KCTD3: variants seen among roughly 807,000 people sequenced by gnomAD.
The protein encoded by KCTD3 is BTB/POZ domain-containing protein KCTD3.
In KCTD3, 41 loss-of-function variants were observed where a neutral mutation model predicts 85.8. That is an observed-to-expected ratio of 0.48 (90% confidence interval 0.37 to 0.62). The LOEUF (loss-of-function observed/expected upper bound fraction) is 0.62, where lower values mean the gene tolerates loss of function less well. Among genes scored for constraint, KCTD3 ranks in the 20% least tolerant of loss-of-function variants. The probability of loss-of-function intolerance (pLI) is 0.00; values close to 1 mark genes in which losing one functional copy is unlikely to be tolerated. For synonymous variants in KCTD3, 338 were observed against 345.4 expected (o/e 0.98, Z 0.24); for missense variants, 724 against 989.9 (o/e 0.73, Z 3.60).
intron 6 of KCTD3, among the ~76,000 whole-genome samples, 199 bp from the exon 7 acceptor site, chr1:215,578,801 A>G (rs1322874247): frequency 1.3e-5 from 2 of 152,036 alleles, no homozygotes; most frequent in African/African-American, 2.4e-5. Flanking sequence ...TGTTGACAGA[A>G]TTTTGTCTTT....
intron 9 of KCTD3, 123 bp from the exon 10 acceptor site, chr1:215,595,233 T>C: frequency 1.6e-6 from 1 of 641,162 alleles, no homozygotes; most frequent in Non-Finnish European, 2.8e-6. Context: ...CCAACACGTA[T>C]AGCACATAGT....
intron 9 of KCTD3, among the ~76,000 whole-genome samples, chr1:215,588,722 G>A (rs1422403637): frequency 6.6e-6 from 1 of 152,128 alleles, no homozygotes; most frequent in Non-Finnish European, 1.5e-5. Context: ...AATACCAGAT[G>A]GGTACAAGTA....
chr1:215,615,899 G>T (rs79654782), intron 15 of KCTD3, among the ~76,000 whole-genome samples: 1 of 152,150 alleles, frequency 6.6e-6, no homozygotes, highest in Non-Finnish European at 1.5e-5. Flanking sequence ...TAAGTTAACA[G>T]AAATAGACTG....
In KCTD3 at chr1:215,620,210, A is replaced by G. The variant is rs201188483; in HGVS notation, c.2040A>G (p.Val680=). 15 of 1,613,916 alleles carry G rather than the reference A, an allele frequency of 9.3e-6. No individual in the cohort carries two copies. Among genetic ancestry groups the G allele is most frequent in the Non-Finnish European group, 1.3e-5 (15 of 1,179,844 alleles). ...AGACTATTAATTTGAACAGAAATGT[A>G]GAAAGAGCTGTCCCTGAAAATGGTA... ...DFQTINLNRN[V]ERAVPENGNL... The change falls in exon 18 of 18, where the codon GTA becomes GTG. Residue 680 remains valine (V), a synonymous_variant. Coordinates refer to ENST00000259154, the MANE Select transcript of KCTD3 (RefSeq NM_016121.5).
chr1:215,582,365 CA>C (rs1443753034), intron 8 of KCTD3, among the ~76,000 whole-genome samples: 1 of 152,114 alleles, frequency 6.6e-6, no homozygotes, highest in East Asian at 1.9e-4. Context: ...CAAAATCTCA[CA>C]GGGCATGTCC....
In KCTD3 at chr1:215,579,090, G is replaced by C. The variant is rs767858716; in HGVS notation, c.488G>C (p.Gly163Ala). ...ACAGAAGGTGAAGCCCGGGGAAATG[G>C]TACACAGCCTGTTCTCTCTGGAACG... ...NSTEGEARGNGTQPVLSGTGE... is the reference protein window; with the variant it reads ...NSTEGEARGNATQPVLSGTGE... Residue 163 changes from glycine (G) to alanine (A), a missense_variant, in exon 7 of 18, where the codon GGT becomes GCT. Around this residue, in one of 6 missense-constraint regions of KCTD3, gnomAD observed 106 missense variants for 98.2 expected, o/e 1.08. Transcript: ENST00000259154. 9 of 1,606,934 alleles carry C rather than the reference G, an allele frequency of 5.6e-6. No homozygotes were observed. In the African/African-American group the frequency reaches 1.1e-4, roughly 19 times the overall value.
At chr1:215,574,887 T>C (rs1659514077) in intron 3 of KCTD3, among the ~76,000 whole-genome samples, 1 of 152,246 alleles carries the variant, frequency 6.6e-6, no homozygotes, top group African/African-American at 2.4e-5. Context: ...CTTTAAAAGA[T>C]GTTCCGTTTT....
At chr1:215,568,594 G>A (rs1472086667) in intron 1 of KCTD3, among the ~76,000 whole-genome samples, 1 of 148,862 alleles carries the variant, frequency 6.7e-6, no homozygotes, top group Non-Finnish European at 1.5e-5. Context: ...CTCAGAAAAG[G>A]GAGTTTGCCA....
At chr1:215,593,623 T>G (rs1304607125) in intron 9 of KCTD3, among the ~76,000 whole-genome samples, 1 of 152,198 alleles carries the variant, frequency 6.6e-6, no homozygotes, top group Non-Finnish European at 1.5e-5. Context: ...TTCCCATGAG[T>G]TCTTCAAGGT....
At chr1:215,615,743 A>G (rs1256571741) in intron 15 of KCTD3, among the ~76,000 whole-genome samples, 1 of 152,226 alleles carries the variant, frequency 6.6e-6, no homozygotes, top group African/African-American at 2.4e-5. Context: ...AAGAGAAAAC[A>G]TTACAAATTG....
At chr1:215,570,648 A>T (rs1659325540) in intron 1 of KCTD3, among the ~76,000 whole-genome samples, 1 of 152,192 alleles carries the variant, frequency 6.6e-6, no homozygotes. Context: ...TTGTTATAGG[A>T]ATTTGAAGTA....
chr1:215,575,941 T>C lies in KCTD3; in HGVS notation c.224T>C (p.Leu75Ser). 1 of 1,566,072 alleles carries C rather than the reference T, an allele frequency of 6.4e-7. No individual in the cohort carries two copies. The highest frequency in any genetic ancestry group is 8.7e-7 in the Non-Finnish European group (1 of 1,152,130). The change falls in exon 4 of 18, where the codon TTA (leucine) becomes TCA (serine). Residue 75 changes from leucine (L) to serine (S), a missense_variant. This residue lies in a region of KCTD3 where 97 missense variants were observed against 115.7 expected (regional missense o/e 0.84). Coordinates refer to ENST00000259154, the MANE Select transcript of KCTD3 (RefSeq NM_016121.5). ...GATCCAGCAGCATTTGCACCCATTT[T>C]AAATTTTCTTCGGACAAAAGAACTA... ...DRDPAAFAPI[L>S]NFLRTKELDL...
Position 215,611,879 on chromosome 1 carries a change from T to A in KCTD3, c.1520T>A (p.Ile507Asn). ...QQVFIQKVVPITNKLFVRLSS... is the reference protein window; with the variant it reads ...QQVFIQKVVPNTNKLFVRLSS... ...GTGTTTATCCAGAAAGTTGTTCCCA[T>A]CACCAACAAACTATTTGTAAGACTC... is the stretch of plus-strand genomic sequence containing the variant. Residue 507 changes from isoleucine (I) to asparagine (N), a missense_variant, in exon 15 of 18, where the codon ATC becomes AAC. Coordinates refer to ENST00000259154, the MANE Select transcript of KCTD3 (RefSeq NM_016121.5). 6.2e-7 allele frequency: 1 copy of A among 1,609,712 alleles called. No homozygotes were observed. The highest frequency in any genetic ancestry group is 8.5e-7 in the Non-Finnish European group (1 of 1,176,910).
At chr1:215,602,295 C>G in intron 12 of KCTD3, 94 bp downstream of exon 12, 1 of 650,228 alleles carries the variant, frequency 1.5e-6, no homozygotes, top group Non-Finnish European at 2.7e-6. Context: ...TGGTTTATTT[C>G]TTTTTGAGAA....
At chr1:215,596,023 A>G (rs1660403710) in intron 10 of KCTD3, among the ~76,000 whole-genome samples, 1 of 152,192 alleles carries the variant, frequency 6.6e-6, no homozygotes, top group African/African-American at 2.4e-5. Flanking sequence ...ACAGCAATCC[A>G]GCAATCAAGA....
intron 9 of KCTD3, among the ~76,000 whole-genome samples, chr1:215,591,549 G>T (rs558299168): frequency 6.6e-6 from 1 of 152,118 alleles, no homozygotes; most frequent in Non-Finnish European, 1.5e-5. Flanking sequence ...GTAGAGACAG[G>T]TTTCACCATC....
At chr1:215,586,739 T>C in intron 9 of KCTD3, 54 bp downstream of exon 9, 1 of 1,438,814 alleles carries the variant, frequency 7.0e-7, no homozygotes, top group Non-Finnish European at 9.6e-7. Context: ...TTTTGAAGTT[T>C]ATAAAAGAGA....
Position 215,579,090 on chromosome 1 carries a change from G to T in KCTD3, c.488G>T (p.Gly163Val). 1 of 1,607,052 alleles carries T rather than the reference G, an allele frequency of 6.2e-7. No homozygotes were observed. The highest frequency in any genetic ancestry group is 8.5e-7 in the Non-Finnish European group (1 of 1,177,656). Residue 163 changes from glycine to valine, a missense_variant, in exon 7 of 18, where the codon GGT becomes GTT. Physicochemically the swap from Gly to Val is moderately radical, Grantham distance 109 (BLOSUM62 -3). Coordinates refer to ENST00000259154, the MANE Select transcript of KCTD3 (RefSeq NM_016121.5). ...ACAGAAGGTGAAGCCCGGGGAAATG[G>T]TACACAGCCTGTTCTCTCTGGAACG... Reference protein sequence around the residue: ...NSTEGEARGNGTQPVLSGTGE... With the variant: ...NSTEGEARGNVTQPVLSGTGE...
chr1:215,578,409 C>T (rs553068561), intron 6 of KCTD3, among the ~76,000 whole-genome samples: 1 of 152,208 alleles, frequency 6.6e-6, no homozygotes, highest in Non-Finnish European at 1.5e-5. Flanking sequence ...ATTGATTGGG[C>T]TGGATTTTCC....
Sources: allele counts gnomAD v4.1 joint callset (sites outside exome capture counted in the v4.1 genomes callset), GRCh38; gene constraint gnomAD v4.1.1; regional missense constraint gnomAD v4.1.1; transcripts MANE v1.5; gene names NCBI Gene and HGNC (gene_info 2026-07-23, HGNC 2026-07-21).